The following FHAD1 variants were observed in gnomAD, a reference collection of about 807,000 sequenced individuals.
FHAD1 encodes the protein forkhead associated phosphopeptide binding domain 1.
FHAD1 carries 146 observed loss-of-function variants against 191.3 expected under a neutral mutation model. The observed-to-expected ratio is 0.76, with a 90% CI of 0.67 to 0.88. FHAD1 has a LOEUF of 0.88. FHAD1 is among the 40% of genes least tolerant of loss of function. The pLI is 0.00. For missense variants in FHAD1, 1,635 were observed against 1,785.8 expected, an observed-to-expected ratio of 0.92 and a Z score of 1.52; for synonymous variants, 616 against 672.3, an observed-to-expected ratio of 0.92 and a Z score of 1.29.
At chr1:15,274,000 C>A (rs915615961) in intron 3 of FHAD1, among the ~76,000 whole-genome samples, 2 of 152,154 alleles carry the variant, frequency 1.3e-5, no homozygotes, top group Non-Finnish European at 2.9e-5. Flanking sequence ...CGATATTTGT[C>A]CTTTTGTGTC....
rs1461196865 is a variant in FHAD1, at chr1:15,316,456, C to T, written c.1249C>T (p.Leu417Phe). Residue 417 changes from leucine to phenylalanine, a missense_variant, in exon 9 of 34, where the codon CTC becomes TTC. Transcript: ENST00000688493. This position sits in a 1 kb window ranked among gnomAD's most constrained non-coding sequence, Gnocchi z 4.3. ...GGAAGCCCAGGAGAAAGAGTTAAAA[C>T]TCTGCAAAACCGTGAGTTGAGCTTC... ...LREAQEKELKLCKTQIQDMEK... is the reference protein window; with the variant it reads ...LREAQEKELKFCKTQIQDMEK... 4 of 1,551,560 alleles carry T rather than the reference C, an allele frequency of 2.6e-6. No homozygotes were observed. In the East Asian group the frequency reaches 9.8e-5, roughly 38 times the overall value.
chr1:15,266,395 A>G (rs1653513757), intron 2 of FHAD1, among the ~76,000 whole-genome samples: 1 of 149,226 alleles, frequency 6.7e-6, no homozygotes, highest in Non-Finnish European at 1.5e-5. Context: ...ATGAGCCAAC[A>G]TGTCTGGCCT....
Position 15,381,934 on chromosome 1 carries a change from G to A in FHAD1, c.4023-94G>A. 7.3e-7 allele frequency: 1 copy of A among 1,377,042 alleles called. No individual in the cohort carries two copies. Among genetic ancestry groups the A allele is most frequent in the African/African-American group, 1.5e-5 (1 of 68,604 alleles). The allele number at this position is 1,377,042 out of a possible 1,614,324, so 85.3% of individuals were successfully genotyped here. A position where few individuals can be genotyped will look rare whatever the true frequency, so the allele number is the denominator to read the frequency against. On this transcript the variant is annotated intron_variant, in intron 30 of 33. Transcript: ENST00000688493. This position sits in a 1 kb window ranked among gnomAD's most constrained non-coding sequence, Gnocchi z 4.6. The stretch of plus-strand genomic sequence containing the variant: ...TGACACTCCTGAGTGAGCCCCCACT[G>A]TGGATGTATTTTGAGAGACTTCCGG...
chr1:15,326,761 C>T lies in FHAD1; in HGVS notation c.1474-298C>T, dbSNP rs143555181. The T allele has an allele frequency of 4.8e-3, 1,256 of 262,652 alleles. 15 individuals carry two copies. Among genetic ancestry groups the T allele is most frequent in the African/African-American group, 0.026 (1,183 of 45,274 alleles). The allele number at this position is 262,652 out of a possible 1,614,324, so 16.3% of individuals were successfully genotyped here. A position where few individuals can be genotyped will look rare whatever the true frequency, so the allele number is the denominator to read the frequency against. The stretch of plus-strand genomic sequence containing the variant: ...AGAGCGCTCCCGGCCCCAGACTTCC[C>T]ATTGGATAATTGGCAGCAAGAGGCT... On this transcript the variant is annotated intron_variant, in intron 11 of 33. Coordinates refer to ENST00000688493, the MANE Select transcript of FHAD1 (RefSeq NM_001391957.1).
chr1:15,391,755 T>A (rs1169094432), intron 33 of FHAD1, among the ~76,000 whole-genome samples: 1 of 152,224 alleles, frequency 6.6e-6, no homozygotes, highest in African/African-American at 2.4e-5. Context: ...GCAAGGGACA[T>A]TTTTGGAAAA....
At chr1:15,370,121 C>A (rs1014547511) in intron 26 of FHAD1, among the ~76,000 whole-genome samples, 1 of 151,764 alleles carries the variant, frequency 6.6e-6, no homozygotes, top group East Asian at 1.9e-4. Flanking sequence ...GGACTACAGA[C>A]GCACACCACC....
chr1:15,375,592 T>C lies in FHAD1; in HGVS notation c.3578-11T>C, dbSNP rs1699363782. 1 of 1,514,278 alleles carries C rather than the reference T, an allele frequency of 6.6e-7. No individual in the cohort carries two copies. Among genetic ancestry groups the C allele is most frequent in the Non-Finnish European group, 8.8e-7 (1 of 1,135,440 alleles). The allele number at this position is 1,514,278 out of a possible 1,614,324, so 93.8% of individuals were successfully genotyped here. A position where few individuals can be genotyped will look rare whatever the true frequency, so the allele number is the denominator to read the frequency against. The stretch of plus-strand genomic sequence containing the variant: ...AGCCTTTCTTTTGAGTCTACTTTAT[T>C]TCTTTTACAGATCATAAAGACCACC... On this transcript the variant is annotated splice_polypyrimidine_tract_variant and intron_variant, in intron 27 of 33. Transcript: ENST00000688493.
At chr1:15,306,573 G>A (rs1670563978) in intron 6 of FHAD1, among the ~76,000 whole-genome samples, 1 of 152,230 alleles carries the variant, frequency 6.6e-6, no homozygotes, top group African/African-American at 2.4e-5. Flanking sequence ...CAGGCCCGGG[G>A]TCCCCATGCT....
At chr1:15,399,774 G>GA (rs1706997459), downstream of FHAD1, among the ~76,000 whole-genome samples, 1 of 152,074 alleles carries the variant, frequency 6.6e-6, no homozygotes, top group South Asian at 2.1e-4. Context: ...CCAGTCTTCA[G>GA]AAAAAAGGAG....
rs773593901 is a variant in FHAD1, at chr1:15,272,358, A to C, written c.129A>C (p.Glu43Asp). ...PDIDNHHALI[E>D]YNEAECSFVL... ...TCGACAACCACCATGCACTCATTGA[A>C]TATAACGAGGCGGAGTGCAGCTTTG... The change falls in exon 3 of 34, where the codon GAA (glutamate) becomes GAC (aspartate). Residue 43 changes from glutamate to aspartate, a missense_variant. Physicochemically the swap from Glu to Asp is conservative, Grantham distance 45 (BLOSUM62 2). Transcript: ENST00000688493. The C allele has an allele frequency of 4.5e-6, 7 of 1,551,728 alleles. No homozygotes were observed. The highest frequency in any genetic ancestry group is 3.9e-5 in the Admixed American group (2 of 51,006).
chr1:15,378,960 C>A (rs1186599844), intron 28 of FHAD1, among the ~76,000 whole-genome samples: 2 of 152,020 alleles, frequency 1.3e-5, no homozygotes, highest in Non-Finnish European at 2.9e-5. Context: ...AGCAAGCAGC[C>A]GGCTGAGCAG....
chr1:15,341,808 A>G lies in FHAD1; in HGVS notation c.2050A>G (p.Lys684Glu). 6.4e-7 allele frequency: 1 copy of G among 1,551,906 alleles called. No individual in the cohort carries two copies. Among genetic ancestry groups the G allele is most frequent in the Non-Finnish European group, 8.7e-7 (1 of 1,146,986 alleles). ...QEKLREHLAEKEKLNEERLEQ... is the reference protein window; with the variant it reads ...QEKLREHLAEEEKLNEERLEQ... ...AAAGCTGCGGGAGCATCTGGCAGAG[A>G]AGGAGAAGCTGAACGAGGAGAGGCT... Residue 684 changes from lysine to glutamate, a missense_variant, in exon 16 of 34, where the codon AAG becomes GAG. Lys to Glu is a moderately conservative substitution (Grantham distance 56). Coordinates refer to ENST00000688493, the MANE Select transcript of FHAD1 (RefSeq NM_001391957.1).
intron 23 of FHAD1, among the ~76,000 whole-genome samples, chr1:15,363,341 G>A (rs950820494): frequency 1.7e-4 from 26 of 152,104 alleles, no homozygotes; most frequent in Non-Finnish European, 2.6e-4. Context: ...TGACCCAATC[G>A]CTTTATAAAG....
Position 15,376,072 on chromosome 1 carries a change from TA to T in FHAD1, c.3705+343del, listed in dbSNP as rs1558270952. On this transcript the variant is annotated intron_variant, in intron 28 of 33. Transcript: ENST00000688493. ...TTATTTATTTATTTATTTATTTATT[TA>T]TTTATTTTTTTATTTATTTTTTTAT... Among the ~76,000 whole-genome samples the T allele has an allele frequency of 4.4e-3, 617 of 140,462 alleles. 16 individuals carry two copies. The highest frequency in any genetic ancestry group is 0.015 in the African/African-American group (566 of 36,868). 92.1% of individuals were successfully genotyped at this position (140,462 alleles called of 152,430 possible). A position where few individuals can be genotyped will look rare whatever the true frequency, so the allele number is the denominator to read the frequency against.
intron 6 of FHAD1, among the ~76,000 whole-genome samples, chr1:15,306,712 G>T (rs1170654403): frequency 6.6e-6 from 1 of 152,280 alleles, no homozygotes; most frequent in Non-Finnish European, 1.5e-5. Flanking sequence ...TCCACATGGT[G>T]TTGAGCCTGC....
At chr1:15,240,397 G>C (rs368324656) in intron 1 of FHAD1, among the ~76,000 whole-genome samples, 392 of 152,280 alleles carry the variant, frequency 2.6e-3, no homozygotes, top group African/African-American at 9.0e-3. Flanking sequence ...GGTAGTCCAA[G>C]GTGGGAGGAT....
rs368188493 is a variant in FHAD1 at position 15,306,372 on chromosome 1, G to A, written c.916-2241G>A. On this transcript the variant is annotated intron_variant, in intron 6 of 33. Transcript: ENST00000688493. ...AGAAAATTTGCAGCCTGATGATGGA[G>A]TAGAAAAGAAAAACCCATTTTCTGG... Among the ~76,000 whole-genome samples the A allele has an allele frequency of 1.6e-4, 24 of 152,346 alleles. No homozygotes were observed. The South Asian group carries it at 4.4e-3, about 28-fold the overall frequency.
At chr1:15,320,980 G>A (rs1438515497) in intron 10 of FHAD1, among the ~76,000 whole-genome samples, 2 of 152,092 alleles carry the variant, frequency 1.3e-5, no homozygotes, top group African/African-American at 4.8e-5. Context: ...CTATTGCCAG[G>A]CTGGAGTGCA....
chr1:15,357,360 A>G (rs1418846478), intron 20 of FHAD1, among the ~76,000 whole-genome samples: 2 of 152,182 alleles, frequency 1.3e-5, no homozygotes, highest in Non-Finnish European at 2.9e-5. Context: ...GCGCGTTGGC[A>G]CACGCCTGTA....
Sources: allele counts gnomAD v4.1 joint callset (sites outside exome capture counted in the v4.1 genomes callset), GRCh38; gene constraint gnomAD v4.1.1; non-coding constraint Gnocchi (gnomAD v3.1); transcripts MANE v1.5; gene names NCBI Gene and HGNC (gene_info 2026-07-23, HGNC 2026-07-21).